The following PRUNE2 variants were observed in gnomAD, a reference collection of about 807,000 sequenced individuals.
PRUNE2 encodes the protein prune homolog 2 with BCH domain, also known as protein prune homolog 2.
Under a neutral mutation model 252.0 loss-of-function variants are expected in PRUNE2, and 164 were observed. The observed-to-expected ratio is 0.65, with a 90% CI of 0.57 to 0.74. PRUNE2 has a LOEUF of 0.74. Ranked by LOEUF, PRUNE2 falls within the 30% of genes least tolerant of loss-of-function variation. The pLI is 0.00. For missense variants in PRUNE2, 3,495 were observed against 3,711.0 expected, an observed-to-expected ratio of 0.94 and a Z score of 1.51; for synonymous variants, 1,292 against 1,350.2, an observed-to-expected ratio of 0.96 and a Z score of 0.94.
intron 6 of PRUNE2, chr9:76,764,339 G>A (rs1023626114): frequency 7.2e-5 from 11 of 152,338 alleles, no homozygotes; most frequent in Non-Finnish European, 1.6e-4. Context: ...GGTTTAAACT[G>A]GGAAATCTGA....
At chr9:76,632,187 G>A (rs1837954709) in intron 15 of PRUNE2, among the ~76,000 whole-genome samples, 1 of 152,124 alleles carries the variant, frequency 6.6e-6, no homozygotes, top group African/African-American at 2.4e-5. Flanking sequence ...AGGTCAAATG[G>A]TACTTCTGTT....
At chr9:76,646,180 C>T (rs950709596) in intron 11 of PRUNE2, among the ~76,000 whole-genome samples, 1 of 152,200 alleles carries the variant, frequency 6.6e-6, no homozygotes, top group African/African-American at 2.4e-5. Context: ...TTAATATTCA[C>T]TTCCAGCAAC....
chr9:76,802,759 C>CAA (rs141677250), intron 6 of PRUNE2, among the ~76,000 whole-genome samples: 36 of 150,770 alleles, frequency 2.4e-4, no homozygotes, highest in South Asian at 2.3e-3. Context: ...AATTTGTCTA[C>CAA]AAAAAAAAAG....
intron 6 of PRUNE2, among the ~76,000 whole-genome samples, chr9:76,754,591 T>A (rs2050935995): frequency 6.6e-6 from 1 of 152,176 alleles, no homozygotes; most frequent in African/African-American, 2.4e-5. Flanking sequence ...GGTGGCAGTT[T>A]GTACACTTGC....
rs1554761633 is a variant in PRUNE2 at position 76,774,456 on chromosome 9, T to TTATTTATTTATTTATTTTTTTA, written c.756+49175_756+49176insTAAAAAAATAAATAAATAAATA. Among the ~76,000 whole-genome samples the TTATTTATTTATTTATTTTTTTA allele has an allele frequency of 1.5e-5, 2 of 133,812 alleles. 1 individual carries two copies. The highest frequency in any genetic ancestry group is 3.3e-5 in the Non-Finnish European group (2 of 60,556). 87.8% of individuals were successfully genotyped at this position (133,812 alleles called of 152,430 possible). On this transcript the variant is annotated intron_variant, in intron 6 of 18. Transcript: ENST00000376718. Reference sequence around the variant, plus strand: ...CCTGGCCTCCAGTTCAACCCTTTTTTTTTTTTTTTTTTTTTTTTTTTGAGA... The same window carrying TTATTTATTTATTTATTTTTTTA: ...CCTGGCCTCCAGTTCAACCCTTTTTTTATTTATTTATTTATTTTTTTATTTTTTTTTTTTTTTTTTTTTGAGA...
chr9:76,803,779 G>C (rs1463675674), intron 6 of PRUNE2, among the ~76,000 whole-genome samples: 1 of 152,032 alleles, frequency 6.6e-6, no homozygotes, highest in African/African-American at 2.4e-5. Context: ...AGGTAAGAGG[G>C]GTAGAAAACT....
chr9:76,660,011 C>T (rs947656247), intron 9 of PRUNE2, among the ~76,000 whole-genome samples: 3 of 151,798 alleles, frequency 2.0e-5, no homozygotes, highest in Admixed American at 6.6e-5. Flanking sequence ...GGTGTAAAGC[C>T]ATGTATCATT....
At chr9:76,818,223 C>A (rs754548996) in intron 6 of PRUNE2, among the ~76,000 whole-genome samples, 1 of 152,138 alleles carries the variant, frequency 6.6e-6, no homozygotes, top group Non-Finnish European at 1.5e-5. Flanking sequence ...TGGCCACCAA[C>A]AAACTCCAAG....
chr9:76,648,498 AT>A (rs1282582902), intron 11 of PRUNE2, among the ~76,000 whole-genome samples: 1 of 152,188 alleles, frequency 6.6e-6, no homozygotes, highest in Non-Finnish European at 1.5e-5. Context: ...AAAAGAAATG[AT>A]CTTTCAAGCC....
chr9:76,638,120 G>T, intron 13 of PRUNE2, 66 bp downstream of exon 13: 4 of 944,398 alleles, frequency 4.2e-6, no homozygotes, highest in Admixed American at 1.8e-5. Flanking sequence ...TTAATTAAAG[G>T]TGCTCTATCT....
intron 4 of PRUNE2, among the ~76,000 whole-genome samples, chr9:76,845,113 C>T (rs566380007): frequency 1.6e-4 from 23 of 146,408 alleles, no homozygotes; most frequent in African/African-American, 5.5e-4. Context: ...AGATAATTAA[C>T]AAAAGGGTCT....
At chr9:76,781,305 G>A (rs998871159) in intron 6 of PRUNE2, among the ~76,000 whole-genome samples, 6 of 152,204 alleles carry the variant, frequency 3.9e-5, no homozygotes, top group South Asian at 2.1e-4. Flanking sequence ...TGGCCTGGGA[G>A]GGCTTGAAGG....
At chr9:76,748,973 C>A (rs1000287282) in intron 6 of PRUNE2, among the ~76,000 whole-genome samples, 1 of 152,130 alleles carries the variant, frequency 6.6e-6, no homozygotes, top group Non-Finnish European at 1.5e-5. Flanking sequence ...CCACTCCCGA[C>A]CTCCGTAAGC....
intron 6 of PRUNE2, among the ~76,000 whole-genome samples, chr9:76,758,269 A>G (rs1198182535): frequency 1.3e-5 from 2 of 152,098 alleles, no homozygotes; most frequent in African/African-American, 4.8e-5. Context: ...AATAAATGCA[A>G]ACTTGGTGAA....
intron 1 of PRUNE2, among the ~76,000 whole-genome samples, chr9:76,896,012 A>G (rs2062800223): frequency 6.6e-6 from 1 of 152,094 alleles, no homozygotes; most frequent in African/African-American, 2.4e-5. Flanking sequence ...CCTGGCCTCA[A>G]GATCTGCCCA....
rs917705510 is a variant in PRUNE2, at chr9:76,900,975, C to T, written c.36+4953G>A. On this transcript the variant is annotated intron_variant, in intron 1 of 18. Coordinates refer to ENST00000376718, the MANE Select transcript of PRUNE2 (RefSeq NM_015225.3). The stretch of plus-strand genomic sequence containing the variant: ...TTATACCAAAGCCATCAGCTGTTTA[C>T]TTAGTTGACAAAATAGTCCCCATAT... Among the ~76,000 whole-genome samples the T allele has an allele frequency of 2.6e-5, 4 of 152,220 alleles. No individual in the cohort carries two copies. In the South Asian group the frequency reaches 8.3e-4, roughly 32 times the overall value.
At chr9:76,634,342 A>T (rs1432386857) in intron 15 of PRUNE2, among the ~76,000 whole-genome samples, 1 of 152,190 alleles carries the variant, frequency 6.6e-6, no homozygotes, top group Non-Finnish European at 1.5e-5. Context: ...ATGTTTTCTT[A>T]TTGTTAAACT....
At chr9:76,863,733 G>C (rs7875785) in intron 1 of PRUNE2, among the ~76,000 whole-genome samples, 3,934 of 152,264 alleles carry the variant, frequency 0.026, 168 homozygotes, top group African/African-American at 0.089. Flanking sequence ...ACTGAGCTAA[G>C]AGCAGCCTAG....
chr9:76,774,450 C>CTTTTTTTTTTTTTTTTTTTT (rs869289049), intron 6 of PRUNE2, among the ~76,000 whole-genome samples: 1 of 41,400 alleles, frequency 2.4e-5, no homozygotes, highest in African/African-American at 1.9e-4. Flanking sequence ...CAGTTCAACC[C>CTTTTTTTTTTTTTTTTTTTT]TTTTTTTTTT....
Sources: gnomAD v4.1 joint callset for allele counts (sites outside exome capture counted in the v4.1 genomes callset) on GRCh38, gnomAD v4.1.1 for gene constraint, MANE v1.5 for transcripts, NCBI Gene and HGNC (gene_info 2026-07-23, HGNC 2026-07-21) for gene names.